Variants in TNS3 observed in about 807,000 individuals in gnomAD.
TNS3 encodes the protein tensin-3.
A neutral mutation model predicts 140.9 loss-of-function variants in TNS3; 45 were observed. That is an observed-to-expected ratio of 0.32 (90% confidence interval 0.25 to 0.41). The LOEUF (loss-of-function observed/expected upper bound fraction) is 0.41. Among genes scored for constraint, TNS3 ranks in the 10% least tolerant of loss-of-function variants. TNS3 has a pLI of 1.00. For synonymous variants in TNS3, 815 were observed against 788.4 expected (o/e 1.03, Z -0.56); for missense variants, 1,716 against 1,906.7 (o/e 0.90, Z 1.86).
At chr7:47,288,152 T>G (rs765763192) in intron 27 of TNS3, among the ~76,000 whole-genome samples, 11 of 152,172 alleles carry the variant, frequency 7.2e-5, no homozygotes, top group Admixed American at 1.3e-4. Context: ...TAGGGCTGAA[T>G]GGGCAGGGCT....
intron 4 of TNS3, among the ~76,000 whole-genome samples, chr7:47,474,865 A>C (rs546641088): frequency 6.7e-6 from 1 of 150,162 alleles, no homozygotes; most frequent in East Asian, 2.0e-4. Flanking sequence ...CACCTCACAC[A>C]CAACACTTCA....
At chr7:47,523,970 C>G (rs903775922) in intron 2 of TNS3, among the ~76,000 whole-genome samples, 2 of 152,202 alleles carry the variant, frequency 1.3e-5, no homozygotes, top group Non-Finnish European at 2.9e-5. Context: ...CACAGACACA[C>G]AAGAACACAC....
chr7:47,568,672 G>A (rs1320481457), intron 1 of TNS3, among the ~76,000 whole-genome samples: 1 of 152,266 alleles, frequency 6.6e-6, no homozygotes, highest in Non-Finnish European at 1.5e-5. Flanking sequence ...CAACAAGCCT[G>A]AGGTCTATGA....
chr7:47,535,081 T>G (rs1049648593), intron 1 of TNS3, among the ~76,000 whole-genome samples: 2 of 152,256 alleles, frequency 1.3e-5, no homozygotes, highest in Admixed American at 6.5e-5. Context: ...CCTTCTCTCC[T>G]GTGCTATATT....
intron 17 of TNS3, among the ~76,000 whole-genome samples, chr7:47,347,520 T>C (rs1789414881): frequency 6.6e-6 from 1 of 151,836 alleles, no homozygotes; most frequent in South Asian, 2.1e-4. Flanking sequence ...GTCTGCAGCA[T>C]GGGGGGGCTC....
chr7:47,495,596 G>A (rs1252358346), intron 3 of TNS3, among the ~76,000 whole-genome samples: 7 of 152,104 alleles, frequency 4.6e-5, no homozygotes, highest in African/African-American at 1.7e-4. Context: ...AGTCTGAACG[G>A]GCCATAGAGA....
At chr7:47,492,441 A>G (rs765015662) in intron 3 of TNS3, among the ~76,000 whole-genome samples, 1 of 152,236 alleles carries the variant, frequency 6.6e-6, no homozygotes, top group Non-Finnish European at 1.5e-5. Context: ...TGCAGCCAAC[A>G]TAGTCCAGGC....
Position 47,435,476 on chromosome 7 carries a change from C to G in TNS3, c.202-72G>C, listed in dbSNP as rs766133531. 4.3e-5 allele frequency: 69 copies of G among 1,593,898 alleles called. No individual in the cohort carries two copies. In the South Asian group the frequency reaches 4.5e-4, roughly 10 times the overall value. ...TTCTGAGGCCATCTCACAATGACTTCTTTCATCATCAGTACATTTCATTTG... is the reference window on the plus strand; with the variant it reads ...TTCTGAGGCCATCTCACAATGACTTGTTTCATCATCAGTACATTTCATTTG... On this transcript the variant is annotated intron_variant, in intron 7 of 30. Coordinates refer to ENST00000311160, the MANE Select transcript of TNS3 (RefSeq NM_022748.12).
chr7:47,536,394 T>C (rs1412720935), intron 1 of TNS3, among the ~76,000 whole-genome samples: 1 of 151,648 alleles, frequency 6.6e-6, no homozygotes, highest in Non-Finnish European at 1.5e-5. Context: ...CCGCTCTGTT[T>C]AATTCAAACA....
chr7:47,491,943 G>A (rs889258082), intron 3 of TNS3, among the ~76,000 whole-genome samples: 1 of 152,210 alleles, frequency 6.6e-6, no homozygotes, highest in Non-Finnish European at 1.5e-5. Flanking sequence ...CAGATGCCAT[G>A]CCTGACACCA....
In TNS3 at chr7:47,369,196, G is replaced by A. The variant is rs1291545930; in HGVS notation, c.1450C>T (p.His484Tyr). The change falls in exon 17 of 31, where the codon CAC (histidine) becomes TAC (tyrosine). Residue 484 changes from histidine to tyrosine, a missense_variant. Physicochemically the swap from His to Tyr is moderately conservative, Grantham distance 83 (BLOSUM62 2). Transcript: ENST00000311160. ...CTGTCCACACTGTGCAGGTCGTGGT[G>A]GGGCATCTCGTCATCCAGAATGTCT... ...ETDILDDEMPHHDLHSVDSLG... is the reference protein window; with the variant it reads ...ETDILDDEMPYHDLHSVDSLG... The A allele has an allele frequency of 6.2e-7, 1 of 1,614,198 alleles. No homozygotes were observed. Among genetic ancestry groups the A allele is most frequent in the East Asian group, 2.2e-5 (1 of 44,886 alleles).
At chr7:47,338,741 G>A (rs1291083011) in intron 20 of TNS3, among the ~76,000 whole-genome samples, 2 of 152,136 alleles carry the variant, frequency 1.3e-5, no homozygotes, top group Non-Finnish European at 2.9e-5. Context: ...CCAATTCACT[G>A]TTGATGGGCA....
chr7:47,426,843 T>C (rs796680225), intron 9 of TNS3, among the ~76,000 whole-genome samples: 4 of 152,172 alleles, frequency 2.6e-5, no homozygotes, highest in African/African-American at 9.6e-5. Context: ...TGCTCAGGTG[T>C]GGCTGGGCGT....
At chr7:47,293,027 G>A in intron 25 of TNS3, 122 bp from the exon 26 acceptor site, 1 of 761,586 alleles carries the variant, frequency 1.3e-6, no homozygotes, top group South Asian at 1.8e-5. Context: ...TTAGCAACTG[G>A]TATGTTAGAT....
intron 26 of TNS3, 126 bp downstream of exon 26, chr7:47,292,702 C>T: frequency 1.2e-6 from 1 of 816,620 alleles, no homozygotes; most frequent in Non-Finnish European, 1.9e-6. Context: ...TGGGTTCAAC[C>T]AAGAGAATAC....
chr7:47,550,142 C>CA (rs1800024923), intron 1 of TNS3, among the ~76,000 whole-genome samples: 2 of 152,130 alleles, frequency 1.3e-5, no homozygotes, highest in Admixed American at 6.5e-5. Context: ...CAGGGCCCCA[C>CA]AAAAGTTCTT....
intron 16 of TNS3, 183 bp downstream of exon 16, chr7:47,396,617 C>T: frequency 1.6e-6 from 1 of 616,518 alleles, no homozygotes. Context: ...CTCACCATGC[C>T]TTATTCTCAC....
chr7:47,386,849 T>C (rs1792103780), intron 16 of TNS3, among the ~76,000 whole-genome samples: 1 of 152,274 alleles, frequency 6.6e-6, no homozygotes, highest in Admixed American at 6.5e-5. Context: ...ACCCTGTTTT[T>C]CAAGAAATAG....
intron 9 of TNS3, among the ~76,000 whole-genome samples, chr7:47,427,143 A>AC (rs1177896122): frequency 7.1e-6 from 1 of 141,612 alleles, no homozygotes; most frequent in Non-Finnish European, 1.6e-5. Context: ...AAAAAAAAAA[A>AC]AACAGAAGTG....
Sources: gnomAD v4.1 joint callset for allele counts (sites outside exome capture counted in the v4.1 genomes callset) on GRCh38, gnomAD v4.1.1 for gene constraint, MANE v1.5 for transcripts, NCBI Gene and HGNC (gene_info 2026-07-23, HGNC 2026-07-21) for gene names.